CASK: variants seen among roughly 807,000 people sequenced by gnomAD.
CASK encodes the protein calcium/calmodulin dependent serine protein kinase, also known as peripheral plasma membrane protein CASK.
CASK carries 4 observed loss-of-function variants against 82.9 expected under a neutral mutation model. That is an observed-to-expected ratio of 0.05 (90% CI 0.02 to 0.11). CASK has a LOEUF of 0.11. CASK is among the 10% of genes least tolerant of loss of function. The pLI is 1.00. For missense variants in CASK, 358 were observed against 720.9 expected (o/e 0.50, Z 5.76); for synonymous variants, 259 against 253.5 (o/e 1.02, Z -0.20).
chrX:41,854,213 CGCGG>C (rs1304930517), intron 1 of CASK, among the ~76,000 whole-genome samples: 33 of 89,179 alleles, frequency 3.7e-4, no homozygotes, highest in African/African-American at 1.1e-3. Flanking sequence ...TGCGCGCGCG[CGCGG>C]GCGCGCGCAC....
chrX:41,639,577 T>G (rs998074895), intron 8 of CASK, among the ~76,000 whole-genome samples: 4 of 111,336 alleles, frequency 3.6e-5, no homozygotes, highest in African/African-American at 1.3e-4. Context: ...TTTTTTTGTT[T>G]TCTCCAAAAA....
intron 5 of CASK, among the ~76,000 whole-genome samples, chrX:41,687,960 C>T (rs184106308): frequency 0.01 from 861 of 84,610 alleles, 18 homozygotes; most frequent in African/African-American, 0.037. Flanking sequence ...AGCGAAACTC[C>T]GTCTCAAAAA....
In CASK at chrX:41,753,237, T is replaced by C. The variant is rs181771193; in HGVS notation, c.279-7636A>G. ...GAATTCTATTTGAAATTTTTTGTTT[T>C]CTTCTTTTTACCTTTACTTTTAAAA... On this transcript the variant is annotated intron_variant, in intron 3 of 26. Coordinates refer to ENST00000378163, the MANE Select transcript of CASK (RefSeq NM_001367721.1). Among the ~76,000 whole-genome samples the C allele has an allele frequency of 7.1e-4, 79 of 111,778 alleles. 1 individual carries two copies. The East Asian group carries it at 0.021, about 30-fold the overall frequency.
chrX:41,520,631 T>C (rs756023941), intron 26 of CASK, 35 bp from the exon 27 acceptor site: 1 of 1,106,488 alleles, frequency 9.0e-7, no homozygotes, highest in Admixed American at 2.2e-5. Flanking sequence ...GGGGTGGGCA[T>C]GAGAGGAGGG....
At chrX:41,633,062 T>A (rs983628575) in intron 9 of CASK, among the ~76,000 whole-genome samples, 24 of 82,935 alleles carry the variant, frequency 2.9e-4, no homozygotes, top group Non-Finnish European at 5.2e-4. Flanking sequence ...AAAAAAATAA[T>A]AATAATAATA....
chrX:41,601,185 G>T (rs1390494574), intron 12 of CASK, among the ~76,000 whole-genome samples: 2 of 111,118 alleles, frequency 1.8e-5, no homozygotes, highest in Non-Finnish European at 3.8e-5. Context: ...AGTGATGATG[G>T]TTGTATAACA....
At chrX:41,745,625 C>T in intron 3 of CASK, 24 bp from the exon 4 acceptor site, 1 of 1,090,881 alleles carries the variant, frequency 9.2e-7, no homozygotes, top group Non-Finnish European at 1.3e-6. Context: ...TGAAAAAGAA[C>T]ATAAGAAAAG....
At chrX:41,631,173 T>C (rs1205624410) in intron 9 of CASK, among the ~76,000 whole-genome samples, 3 of 111,988 alleles carry the variant, frequency 2.7e-5, no homozygotes, top group African/African-American at 9.7e-5. Flanking sequence ...TTAAGAGTAA[T>C]TGCACAGAAT....
chrX:41,595,771 C>G (rs1479418401), intron 12 of CASK, among the ~76,000 whole-genome samples: 1 of 111,544 alleles, frequency 9.0e-6, no homozygotes, highest in East Asian at 2.8e-4. Flanking sequence ...TGTCCTTTCT[C>G]TCATCCAGAT....
At chrX:41,532,674 G>A (rs189090734) in intron 24 of CASK, among the ~76,000 whole-genome samples, 40 of 109,522 alleles carry the variant, frequency 3.7e-4, no homozygotes, top group African/African-American at 1.3e-3. Flanking sequence ...CTGTATACAT[G>A]AGCCTAAACT....
At chrX:41,826,505 C>T (rs1007475266) in intron 2 of CASK, among the ~76,000 whole-genome samples, 4 of 111,775 alleles carry the variant, frequency 3.6e-5, no homozygotes, top group African/African-American at 1.3e-4. Context: ...CAGGGTCTCA[C>T]TCTGCTGCCC....
At chrX:41,897,981 G>T (rs1286774727) in intron 1 of CASK, among the ~76,000 whole-genome samples, 1 of 111,861 alleles carries the variant, frequency 8.9e-6, no homozygotes, top group African/African-American at 3.2e-5. Flanking sequence ...GGTAATGCTG[G>T]CTTCATAAAA....
chrX:41,559,911 G>A (rs1427898958), intron 17 of CASK, 64 bp from the exon 18 acceptor site: 3 of 1,002,156 alleles, frequency 3.0e-6, no homozygotes, highest in Admixed American at 4.8e-5. Context: ...ACAAAACCAT[G>A]TAAGAAGCCA....
intron 3 of CASK, among the ~76,000 whole-genome samples, chrX:41,752,359 T>G (rs1399601630): frequency 1.8e-5 from 2 of 110,023 alleles, no homozygotes; most frequent in Admixed American, 9.7e-5. Context: ...GGCATGATCT[T>G]GGCTCACTGC....
chrX:41,868,548 C>T (rs1394727517), intron 1 of CASK, among the ~76,000 whole-genome samples: 1 of 111,560 alleles, frequency 9.0e-6, no homozygotes, highest in African/African-American at 3.3e-5. Flanking sequence ...TGCACTTTAG[C>T]CCCTGATAGA....
At chrX:41,879,934 C>A (rs2071915689) in intron 1 of CASK, among the ~76,000 whole-genome samples, 1 of 112,226 alleles carries the variant, frequency 8.9e-6, no homozygotes, top group Non-Finnish European at 1.9e-5. Context: ...ATATACTATG[C>A]CCATGCATCC....
chrX:41,830,100 A>G (rs1391787104), intron 2 of CASK, among the ~76,000 whole-genome samples: 1 of 107,674 alleles, frequency 9.3e-6, no homozygotes, highest in Non-Finnish European at 1.9e-5. Context: ...CCCAGGCTCA[A>G]GCAATCCTCC....
At chrX:41,785,114 C>T (rs2069563762) in intron 3 of CASK, among the ~76,000 whole-genome samples, 1 of 101,395 alleles carries the variant, frequency 9.9e-6, no homozygotes, top group Non-Finnish European at 2.0e-5. Context: ...TCAGGTGATT[C>T]TCCAACCTCA....
rs1490893498 is a variant in CASK, at chrX:41,873,120, C to A, written c.60-19893G>T. On this transcript the variant is annotated intron_variant, in intron 1 of 26. Transcript: ENST00000378163. The stretch of plus-strand genomic sequence containing the variant: ...GCAAAATTTCAGAAGGGGTTTTTAT[C>A]AAAAATATGTAGATTCTACTACAAT... 2.7e-5 allele frequency among the ~76,000 whole-genome samples: 3 copies of A among 109,808 alleles called. No individual in the cohort carries two copies. The East Asian group carries it at 8.5e-4, about 31-fold the overall frequency.
Sources: gnomAD v4.1 joint callset for allele counts (sites outside exome capture counted in the v4.1 genomes callset) on GRCh38, gnomAD v4.1.1 for gene constraint, MANE v1.5 for transcripts, NCBI Gene and HGNC (gene_info 2026-07-23, HGNC 2026-07-21) for gene names.